Variants in AKAP6 observed in about 807,000 individuals in gnomAD.
The protein encoded by AKAP6 is A-kinase anchoring protein 6, also known as A-kinase anchor protein 6.
AKAP6 carries 58 observed loss-of-function variants against 188.5 expected under a neutral mutation model. The observed-to-expected ratio is 0.31, with a 90% confidence interval of 0.25 to 0.38. The LOEUF (loss-of-function observed/expected upper bound fraction) is 0.38, where lower values mean the gene tolerates loss of function less well. Among genes scored for constraint, AKAP6 ranks in the 10% least tolerant of loss-of-function variants. The pLI is 1.00. For missense variants in AKAP6, 2,710 were observed against 2,740.0 expected, an observed-to-expected ratio of 0.99 and a Z score of 0.24; for synonymous variants, 989 against 998.6, an observed-to-expected ratio of 0.99 and a Z score of 0.18.
intron 3 of AKAP6, among the ~76,000 whole-genome samples, chr14:32,536,202 T>G (rs1481958701): frequency 2.0e-5 from 3 of 152,204 alleles, no homozygotes; most frequent in Non-Finnish European, 4.4e-5. Flanking sequence ...TGAATAGACA[T>G]TCAAGCCAAA....
chr14:32,363,054 G>A (rs1594542106), intron 1 of AKAP6, among the ~76,000 whole-genome samples: 1 of 152,294 alleles, frequency 6.6e-6, no homozygotes, highest in African/African-American at 2.4e-5. Context: ...GGGCACTGGA[G>A]CTACAGAGAG....
At chr14:32,350,637 C>G (rs577424043) in intron 1 of AKAP6, among the ~76,000 whole-genome samples, 63 of 152,142 alleles carry the variant, frequency 4.1e-4, no homozygotes, top group African/African-American at 1.5e-3. Context: ...TACATATGTA[C>G]CTTGATAACA....
intron 2 of AKAP6, among the ~76,000 whole-genome samples, chr14:32,448,882 A>G (rs1317639039): frequency 6.6e-6 from 1 of 152,192 alleles, no homozygotes; most frequent in African/African-American, 2.4e-5. Flanking sequence ...TGATTCTACA[A>G]GGGAGATATT....
intron 11 of AKAP6, among the ~76,000 whole-genome samples, chr14:32,767,530 A>G (rs2032755398): frequency 6.6e-6 from 1 of 152,104 alleles, no homozygotes; most frequent in African/African-American, 2.4e-5. Flanking sequence ...CTGCTTGGCA[A>G]ATAAAAGGCA....
At position 32,823,398 on chromosome 14, in the gene AKAP6, A is replaced by G; in HGVS notation, c.5585A>G (p.Asn1862Ser). The change falls in exon 13 of 14, where the codon AAT (asparagine) becomes AGT (serine). Residue 1862 changes from asparagine (N) to serine (S), a missense_variant. Around this residue, in one of 2 missense-constraint regions of AKAP6, gnomAD observed 2,473 missense variants for 2,426.1 expected, o/e 1.02. Transcript: ENST00000280979. ...SVKRVSENNG[N>S]GKNSSHTHEL... is the part of the protein sequence containing the mutation. ...AAACGTGTCTCTGAAAATAATGGAAATGGTAAGAATTCATCTCATACCCAT... is the reference window on the plus strand; with the variant it reads ...AAACGTGTCTCTGAAAATAATGGAAGTGGTAAGAATTCATCTCATACCCAT... 6.2e-7 allele frequency: 1 copy of G among 1,613,798 alleles called. No homozygotes were observed. The highest frequency in any genetic ancestry group is 8.5e-7 in the Non-Finnish European group (1 of 1,179,866).
chr14:32,746,278 T>C (rs2031907042), intron 11 of AKAP6, among the ~76,000 whole-genome samples: 1 of 152,132 alleles, frequency 6.6e-6, no homozygotes, highest in Non-Finnish European at 1.5e-5. Flanking sequence ...ATCTGCTAAG[T>C]CTCACCTGAA....
intron 2 of AKAP6, among the ~76,000 whole-genome samples, chr14:32,481,739 A>G (rs117930945): frequency 0.011 from 1,739 of 152,206 alleles, 15 homozygotes; most frequent in East Asian, 0.026. Flanking sequence ...AACCATATAA[A>G]TTTCCTTCTG....
At chr14:32,751,172 T>TC (rs2032123915) in intron 11 of AKAP6, among the ~76,000 whole-genome samples, 1 of 151,352 alleles carries the variant, frequency 6.6e-6, no homozygotes, top group African/African-American at 2.4e-5. Flanking sequence ...GTTTTTTTCA[T>TC]ATCACAACTT....
rs574406847 is a variant in AKAP6 at position 32,609,416 on chromosome 14, C to A, written c.2730+8624C>A. Among the ~76,000 whole-genome samples the A allele has an allele frequency of 2.0e-5, 3 of 152,198 alleles. No individual in the cohort carries two copies. In the East Asian group the frequency reaches 5.8e-4, roughly 29 times the overall value. On this transcript the variant is annotated intron_variant, in intron 7 of 13. Transcript: ENST00000280979. Reference sequence around the variant, plus strand: ...ATTCCCAGTCTTAGCTCCCACTGTGCCTAAATGAAGGTTTATGTTTCTCAG... The same window carrying A: ...ATTCCCAGTCTTAGCTCCCACTGTGACTAAATGAAGGTTTATGTTTCTCAG...
chr14:32,407,185 C>T (rs1045587353), intron 1 of AKAP6, among the ~76,000 whole-genome samples: 1 of 152,174 alleles, frequency 6.6e-6, no homozygotes, highest in Non-Finnish European at 1.5e-5. Flanking sequence ...TTCTTGGCTA[C>T]CCCTGTTTCC....
intron 2 of AKAP6, among the ~76,000 whole-genome samples, chr14:32,532,503 G>A (rs542501073): frequency 1.2e-4 from 19 of 152,202 alleles, no homozygotes; most frequent in African/African-American, 4.3e-4. Flanking sequence ...TTCTGACTAC[G>A]TTCCTACATC....
chr14:32,808,979 TAA>T (rs2034156916), intron 12 of AKAP6, among the ~76,000 whole-genome samples: 1 of 152,218 alleles, frequency 6.6e-6, no homozygotes, highest in South Asian at 2.1e-4. Flanking sequence ...ACGCACATCA[TAA>T]GTCTTCACTC....
chr14:32,538,857 A>T (rs900857618), intron 3 of AKAP6, among the ~76,000 whole-genome samples: 1 of 152,160 alleles, frequency 6.6e-6, no homozygotes, highest in African/African-American at 2.4e-5. Context: ...AAAAATTAAA[A>T]TTAAATTTAA....
intron 4 of AKAP6, among the ~76,000 whole-genome samples, chr14:32,564,101 G>T (rs895491045): frequency 2.0e-5 from 3 of 151,986 alleles, no homozygotes; most frequent in Non-Finnish European, 2.9e-5. Context: ...ATTATCACTA[G>T]GTTACTTGTA....
chr14:32,437,256 G>A lies in AKAP6; in HGVS notation c.324+3439G>A, dbSNP rs138790800. ...TATCTGGAGATGCAAGCCTGGGAGA[G>A]GGTTGGGCAGGGATTGGCAGTGAGG... On this transcript the variant is annotated intron_variant, in intron 2 of 13. Transcript: ENST00000280979. 3.1e-3 allele frequency among the ~76,000 whole-genome samples: 475 copies of A among 152,232 alleles called. 3 individuals carry two copies. Among genetic ancestry groups the A allele is most frequent in the African/African-American group, 0.011 (455 of 41,542 alleles).
intron 11 of AKAP6, among the ~76,000 whole-genome samples, chr14:32,745,202 A>G (rs1342849890): frequency 6.6e-6 from 1 of 152,004 alleles, no homozygotes; most frequent in Non-Finnish European, 1.5e-5. Context: ...TTAGGTATTT[A>G]TTGTAATCTT....
intron 12 of AKAP6, among the ~76,000 whole-genome samples, chr14:32,814,397 C>T (rs1293528847): frequency 2.0e-5 from 3 of 152,194 alleles, no homozygotes; most frequent in Non-Finnish European, 4.4e-5. Flanking sequence ...AAAGCAGTTG[C>T]ATCCCATTCC....
In AKAP6 at chr14:32,461,421, A is replaced by G. The variant is rs914916460; in HGVS notation, c.324+27604A>G. Among the ~76,000 whole-genome samples the G allele has an allele frequency of 2.6e-5, 4 of 152,326 alleles. No individual in the cohort carries two copies. The East Asian group carries it at 5.8e-4, about 22-fold the overall frequency. Reference sequence around the variant, plus strand: ...GCTGTTCTGCAGTCTCCACTGTGATACACAGGTACACAGGGTCTGGAGTGG... The same window carrying G: ...GCTGTTCTGCAGTCTCCACTGTGATGCACAGGTACACAGGGTCTGGAGTGG... On this transcript the variant is annotated intron_variant, in intron 2 of 13. Coordinates refer to ENST00000280979, the MANE Select transcript of AKAP6 (RefSeq NM_004274.5).
In AKAP6 at chr14:32,522,546, T is replaced by G. The variant is rs1477634690; in HGVS notation, c.325-13008T>G. Among the ~76,000 whole-genome samples, 3 of 152,120 alleles carry G rather than the reference T, an allele frequency of 2.0e-5. No individual in the cohort carries two copies. In the South Asian group the frequency reaches 6.2e-4, roughly 32 times the overall value. On this transcript the variant is annotated intron_variant, in intron 2 of 13. Coordinates refer to ENST00000280979, the MANE Select transcript of AKAP6 (RefSeq NM_004274.5). Reference sequence around the variant, plus strand: ...GGGCAAAGGATATGAACAGACACTTTTCAAAAGAAGACATTTATGCAGCTA... The same window carrying G: ...GGGCAAAGGATATGAACAGACACTTGTCAAAAGAAGACATTTATGCAGCTA...
Sources: allele counts gnomAD v4.1 joint callset (sites outside exome capture counted in the v4.1 genomes callset), GRCh38; gene constraint gnomAD v4.1.1; regional missense constraint gnomAD v4.1.1; transcripts MANE v1.5; gene names NCBI Gene and HGNC (gene_info 2026-07-23, HGNC 2026-07-21).